EIPR1: variants seen among roughly 807,000 people sequenced by gnomAD.
The protein encoded by EIPR1 is EARP complex and GARP complex interacting protein 1, also known as EARP and GARP complex-interacting protein 1.
A neutral mutation model predicts 48.1 loss-of-function variants in EIPR1; 25 were observed. The observed-to-expected ratio is 0.52, with a 90% CI of 0.38 to 0.73. EIPR1 has a LOEUF of 0.73. Ranked by LOEUF, EIPR1 falls within the 30% of genes least tolerant of loss-of-function variation. EIPR1 has a pLI of 0.00. For synonymous variants in EIPR1, 204 were observed against 201.9 expected (o/e 1.01, Z -0.09); for missense variants, 415 against 506.2 (o/e 0.82, Z 1.73).
At chr2:3,274,478 T>C (rs1258536398) in intron 3 of EIPR1, 2 of 1,529,856 alleles carry the variant, frequency 1.3e-6, no homozygotes, top group East Asian at 2.5e-5. Flanking sequence ...AATAAAGGCA[T>C]GTTAAGGTAA....
In EIPR1 at chr2:3,257,402, A is replaced by C; in HGVS notation, c.313T>G (p.Leu105Val). The change falls in exon 4 of 9, where the codon TTG becomes GTG. Residue 105 changes from leucine to valine, a missense_variant. Transcript: ENST00000382125. ...GGGGACTCGTGGCTGCCTGATTCCA[A>C]TTCCTTCGGCATCCTCCACACGGCT... ...CAAVWRMPKE[L>V]ESGSHESPDD... is the part of the protein sequence containing the mutation. The C allele has an allele frequency of 6.2e-7, 1 of 1,614,130 alleles. No individual in the cohort carries two copies.
chr2:3,333,544 C>G (rs984875957), intron 3 of EIPR1, among the ~76,000 whole-genome samples: 1 of 151,984 alleles, frequency 6.6e-6, no homozygotes, highest in African/African-American at 2.4e-5. Flanking sequence ...TCAAGACCAG[C>G]CTGGCAACAC....
In EIPR1 at chr2:3,366,851, G is replaced by A. The variant is rs191878954; in HGVS notation, c.42+10797C>T. 5.7e-4 allele frequency among the ~76,000 whole-genome samples: 86 copies of A among 152,196 alleles called. No homozygotes were observed. The East Asian group carries it at 0.011, about 19-fold the overall frequency. ...AGACGGAACACGAGGTCAGGAGTTC[G>A]AGACCAGCCTGACCAACGTGGTGAA... On this transcript the variant is annotated intron_variant, in intron 1 of 8. Coordinates refer to ENST00000382125, the MANE Select transcript of EIPR1 (RefSeq NM_003310.5).
chr2:3,246,129 C>T (rs1437066548), intron 4 of EIPR1, among the ~76,000 whole-genome samples: 4 of 152,158 alleles, frequency 2.6e-5, no homozygotes, highest in Non-Finnish European at 5.9e-5. Flanking sequence ...GGCAATACTG[C>T]CATAATCACA....
intron 8 of EIPR1, among the ~76,000 whole-genome samples, chr2:3,190,227 C>T (rs1308598038): frequency 1.3e-5 from 2 of 152,226 alleles, no homozygotes; most frequent in African/African-American, 4.8e-5. Flanking sequence ...GGGCCCTGCC[C>T]GGCTCACAGC....
chr2:3,236,140 C>T (rs746463578), intron 4 of EIPR1, among the ~76,000 whole-genome samples: 6 of 152,148 alleles, frequency 3.9e-5, no homozygotes, highest in Non-Finnish European at 8.8e-5. Context: ...AACTGAACAA[C>T]CCTGTGAGGC....
chr2:3,347,759 A>G (rs1216773016), intron 2 of EIPR1, among the ~76,000 whole-genome samples: 1 of 152,240 alleles, frequency 6.6e-6, no homozygotes, highest in Non-Finnish European at 1.5e-5. Flanking sequence ...TACCCTAAAA[A>G]TACAGGACCC....
intron 5 of EIPR1, among the ~76,000 whole-genome samples, chr2:3,206,210 G>A (rs1295184210): frequency 6.6e-6 from 1 of 152,194 alleles, no homozygotes; most frequent in Non-Finnish European, 1.5e-5. Flanking sequence ...GGGATACCTG[G>A]CTGCCAGGGC....
At chr2:3,269,172 A>C (rs1163753796) in intron 3 of EIPR1, among the ~76,000 whole-genome samples, 2 of 152,232 alleles carry the variant, frequency 1.3e-5, no homozygotes, top group Non-Finnish European at 2.9e-5. Context: ...AGCCTTAAGC[A>C]CAGACAGAAG....
chr2:3,338,219 A>G, intron 2 of EIPR1, 70 bp from the exon 3 acceptor site: 1 of 1,556,318 alleles, frequency 6.4e-7, no homozygotes, highest in Non-Finnish European at 8.7e-7. Context: ...AGACATCATG[A>G]TTACAAAGAA....
chr2:3,223,460 C>T (rs866921463), intron 4 of EIPR1, among the ~76,000 whole-genome samples: 2 of 152,126 alleles, frequency 1.3e-5, no homozygotes, highest in East Asian at 1.9e-4. Context: ...TGTGTGCTGA[C>T]GAAGGAGGAG....
intron 3 of EIPR1, among the ~76,000 whole-genome samples, chr2:3,283,631 A>G (rs925771013): frequency 1.3e-4 from 20 of 152,198 alleles, no homozygotes; most frequent in African/African-American, 4.8e-4. Context: ...GAGCACCACT[A>G]GTTAAAGAGG....
chr2:3,239,985 C>A (rs1666543039), intron 4 of EIPR1, among the ~76,000 whole-genome samples: 1 of 151,256 alleles, frequency 6.6e-6, no homozygotes, highest in Non-Finnish European at 1.5e-5. Context: ...CAGATCCTTC[C>A]CAAGGAAAGC....
At chr2:3,245,146 T>G (rs1666755919) in intron 4 of EIPR1, among the ~76,000 whole-genome samples, 1 of 150,922 alleles carries the variant, frequency 6.6e-6, no homozygotes, top group Non-Finnish European at 1.5e-5. Flanking sequence ...TAACCATTCC[T>G]TATTTTATTT....
intron 5 of EIPR1, among the ~76,000 whole-genome samples, chr2:3,210,519 C>A (rs570447597): frequency 6.6e-6 from 1 of 152,084 alleles, no homozygotes; most frequent in Admixed American, 6.6e-5. Flanking sequence ...GGGATGAGCA[C>A]GCTTGGTTTC....
rs1030341279 is a variant in EIPR1 at position 3,313,922 on chromosome 2, C to T, written c.259+24095G>A. 3.3e-5 allele frequency among the ~76,000 whole-genome samples: 5 copies of T among 152,128 alleles called. No homozygotes were observed. The East Asian group carries it at 5.8e-4, about 18-fold the overall frequency. ...CTCACCCCCCGGTCTTCATTAGCAG[C>T]GGGTCACAGCAGCAGCCGGGGCTGT... On this transcript the variant is annotated intron_variant, in intron 3 of 8. Transcript: ENST00000382125.
At chr2:3,269,853 C>T (rs1262000951) in intron 3 of EIPR1, among the ~76,000 whole-genome samples, 3 of 152,232 alleles carry the variant, frequency 2.0e-5, no homozygotes, top group Non-Finnish European at 2.9e-5. Context: ...GCCCTTGGCG[C>T]AGCTGCATTG....
At position 3,192,495 on chromosome 2, in the gene EIPR1, A is replaced by G; in HGVS notation, c.908T>C (p.Val303Ala). 1 of 1,613,018 alleles carries G rather than the reference A, an allele frequency of 6.2e-7. No individual in the cohort carries two copies. Among genetic ancestry groups the G allele is most frequent in the East Asian group, 2.2e-5 (1 of 44,860 alleles). The change falls in exon 8 of 9, where the codon GTG (valine) becomes GCG (alanine). Residue 303 changes from valine (V) to alanine (A), a missense_variant. Val to Ala is a moderately conservative substitution (Grantham distance 64, BLOSUM62 0). Coordinates refer to ENST00000382125, the MANE Select transcript of EIPR1 (RefSeq NM_003310.5). ...GCCGAAGGGCTCCGACGAGATGGACACCATGTTGGAAAGGATGACTCTGCT... is the reference window on the plus strand; with the variant it reads ...GCCGAAGGGCTCCGACGAGATGGACGCCATGTTGGAAAGGATGACTCTGCT... The part of the protein sequence containing the change: ...SDSRVILSNM[V>A]SISSEPFGHL...
At chr2:3,328,022 A>G (rs1282267091) in intron 3 of EIPR1, among the ~76,000 whole-genome samples, 1 of 152,112 alleles carries the variant, frequency 6.6e-6, no homozygotes, top group Non-Finnish European at 1.5e-5. Context: ...AAGGGTAAAA[A>G]AGAGCTCCCG....
Sources: gnomAD v4.1 joint callset for allele counts (sites outside exome capture counted in the v4.1 genomes callset) on GRCh38, gnomAD v4.1.1 for gene constraint, MANE v1.5 for transcripts, NCBI Gene and HGNC (gene_info 2026-07-23, HGNC 2026-07-21) for gene names.